Variants in C1orf87 observed in about 807,000 individuals in gnomAD.
C1orf87 encodes the protein uncharacterized protein C1orf87.
C1orf87 carries 58 observed loss-of-function variants against 60.5 expected under a neutral mutation model. That is an observed-to-expected ratio of 0.96 (90% CI 0.78 to 1.19). The LOEUF is 1.19. Ranked by LOEUF, C1orf87 falls within the 50% of genes most tolerant of loss-of-function variation. C1orf87 has a pLI of 0.00. For synonymous variants in C1orf87, 236 were observed against 227.4 expected (o/e 1.04, Z -0.34); for missense variants, 673 against 638.6 (o/e 1.05, Z -0.58).
intron 6 of C1orf87, 28 bp from the exon 7 acceptor site, chr1:60,033,669 A>G: frequency 1.9e-6 from 3 of 1,603,692 alleles, no homozygotes; most frequent in Non-Finnish European, 2.6e-6. Flanking sequence ...GGGGAAGGCT[A>G]TGAAAAGGTT....
intron 2 of C1orf87, among the ~76,000 whole-genome samples, chr1:60,068,111 G>A (rs2100336069): frequency 6.6e-6 from 1 of 152,164 alleles, no homozygotes; most frequent in South Asian, 2.1e-4. Context: ...CCCACCTTTA[G>A]CATGCCAGGG....
At chr1:60,069,660 A>G (rs554477325) in intron 2 of C1orf87, among the ~76,000 whole-genome samples, 1 of 152,320 alleles carries the variant, frequency 6.6e-6, no homozygotes, top group South Asian at 2.1e-4. Context: ...CCAGTCTTAG[A>G]TCTTAATAAC....
intron 5 of C1orf87, 29 bp downstream of exon 5, chr1:60,039,888 C>T (rs1645307276): frequency 1.3e-6 from 2 of 1,591,964 alleles, no homozygotes; most frequent in Non-Finnish European, 1.7e-6. Flanking sequence ...CAAAAGGAAC[C>T]CACACTTCCA....
At chr1:59,997,877 G>A (rs1422754735) in intron 10 of C1orf87, 61 bp from the exon 11 acceptor site, 1 of 1,520,036 alleles carries the variant, frequency 6.6e-7, no homozygotes, top group African/African-American at 1.4e-5. Context: ...CCAATCTCTT[G>A]GCCAAAGATG....
chr1:59,996,722 G>C (rs1332168096), intron 11 of C1orf87, among the ~76,000 whole-genome samples: 2 of 152,096 alleles, frequency 1.3e-5, no homozygotes, highest in South Asian at 2.1e-4. Flanking sequence ...AGCCTTCCAT[G>C]ATGACCCCAC....
At chr1:60,060,703 C>A (rs1645490872) in intron 2 of C1orf87, among the ~76,000 whole-genome samples, 1 of 151,978 alleles carries the variant, frequency 6.6e-6, no homozygotes, top group African/African-American at 2.4e-5. Context: ...CTTTAAAAAA[C>A]AAAGATTAAT....
chr1:60,041,890 C>A (rs1645327716), intron 3 of C1orf87, among the ~76,000 whole-genome samples: 1 of 152,100 alleles, frequency 6.6e-6, no homozygotes, highest in African/African-American at 2.4e-5. Flanking sequence ...TTAAATAAAT[C>A]CAAGACTAGG....
At chr1:60,059,446 T>C (rs532660546) in intron 2 of C1orf87, among the ~76,000 whole-genome samples, 35 of 152,258 alleles carry the variant, frequency 2.3e-4, no homozygotes, top group Non-Finnish European at 4.0e-4. Context: ...GGATGATAAA[T>C]AAATGAGGAG....
At chr1:60,051,949 A>G (rs1645417574) in intron 3 of C1orf87, among the ~76,000 whole-genome samples, 1 of 152,228 alleles carries the variant, frequency 6.6e-6, no homozygotes, top group African/African-American at 2.4e-5. Flanking sequence ...ACAGACCACC[A>G]GAAGTACAAG....
At chr1:60,032,188 G>T (rs1462181092) in intron 7 of C1orf87, among the ~76,000 whole-genome samples, 2 of 152,122 alleles carry the variant, frequency 1.3e-5, no homozygotes, top group Non-Finnish European at 2.9e-5. Context: ...TGTATACCTA[G>T]ATGAAAGGCA....
chr1:60,055,474 G>T (rs1430315252), intron 2 of C1orf87, 36 bp from the exon 3 acceptor site: 4 of 1,569,512 alleles, frequency 2.5e-6, no homozygotes, highest in Non-Finnish European at 2.6e-6. Context: ...GTTACTTACA[G>T]GCAGACTCCT....
intron 8 of C1orf87, among the ~76,000 whole-genome samples, chr1:60,022,727 A>AT (rs1645172587): frequency 6.6e-6 from 1 of 152,052 alleles, no homozygotes; most frequent in African/African-American, 2.4e-5. Flanking sequence ...TCTTTGGCAT[A>AT]TCCAAGTTGC....
In C1orf87 at chr1:59,992,508, GC is replaced by G. The variant is rs1008484155; in HGVS notation, c.1481-1676del. 9.2e-5 allele frequency among the ~76,000 whole-genome samples: 14 copies of G among 152,246 alleles called. No individual in the cohort carries two copies. In the East Asian group the frequency reaches 2.7e-3, roughly 29 times the overall value. On this transcript the variant is annotated intron_variant, in intron 11 of 11. Transcript: ENST00000371201. ...GAGCTCAAGCAACCCTCCCCCTAAT[GC>G]CTTTCAAAGTGCTGGGATTATAGGC...
chr1:60,010,305 A>G (rs1407405656), intron 9 of C1orf87, 87 bp downstream of exon 9: 2 of 1,219,652 alleles, frequency 1.6e-6, no homozygotes, highest in South Asian at 1.3e-5. Context: ...AAACCCAACA[A>G]GCAAACCACT....
chr1:59,994,825 A>G (rs143621623), intron 11 of C1orf87, among the ~76,000 whole-genome samples: 3 of 152,306 alleles, frequency 2.0e-5, no homozygotes, highest in African/African-American at 7.2e-5. Flanking sequence ...CATAATAAAG[A>G]ATAGTGATTC....
intron 3 of C1orf87, among the ~76,000 whole-genome samples, chr1:60,052,965 A>C (rs1645425134): frequency 6.6e-6 from 1 of 152,184 alleles, no homozygotes; most frequent in African/African-American, 2.4e-5. Context: ...GCAGAGTGTT[A>C]GCCCCCGCTG....
intron 1 of C1orf87, 25 bp from the exon 2 acceptor site, chr1:60,072,695 T>C: frequency 1.6e-6 from 2 of 1,282,520 alleles, no homozygotes; most frequent in Non-Finnish European, 2.2e-6. Context: ...AAGTAAATTG[T>C]TCCTCTTGAT....
At chr1:60,003,266 A>G (rs1645019892) in intron 9 of C1orf87, among the ~76,000 whole-genome samples, 1 of 142,696 alleles carries the variant, frequency 7.0e-6, no homozygotes, top group Admixed American at 7.3e-5. Context: ...GTGGGAATTG[A>G]ACAATGAGAT....
chr1:59,996,685 G>A (rs12090926), intron 11 of C1orf87, among the ~76,000 whole-genome samples: 2,918 of 152,224 alleles, frequency 0.019, 98 homozygotes, highest in African/African-American at 0.068. Context: ...TGCATTTTAA[G>A]TTTAATGATC....
Sources: allele counts gnomAD v4.1 joint callset (sites outside exome capture counted in the v4.1 genomes callset), GRCh38; gene constraint gnomAD v4.1.1; transcripts MANE v1.5; gene names NCBI Gene and HGNC (gene_info 2026-07-23, HGNC 2026-07-21).